MND1: variants seen among roughly 807,000 people sequenced by gnomAD.
The protein encoded by MND1 is meiotic nuclear divisions 1.
In MND1, 28 loss-of-function variants were observed where a neutral mutation model predicts 35.1. That is an observed-to-expected ratio of 0.80 (90% CI 0.59 to 1.09). MND1 has a LOEUF of 1.09. MND1 is among the 50% of genes least tolerant of loss of function. The pLI is 0.00. For synonymous variants in MND1, 69 were observed against 70.5 expected (o/e 0.98, Z 0.11); for missense variants, 213 against 239.6 (o/e 0.89, Z 0.73).
intron 4 of MND1, among the ~76,000 whole-genome samples, chr4:153,367,118 CT>C (rs1233067909): frequency 1.3e-5 from 2 of 152,024 alleles, no homozygotes; most frequent in Non-Finnish European, 1.5e-5. Context: ...CCTTATCTCT[CT>C]TTTTTTTCAA....
intron 7 of MND1, among the ~76,000 whole-genome samples, chr4:153,413,188 G>T (rs2149661847): frequency 6.6e-6 from 1 of 152,122 alleles, no homozygotes; most frequent in Non-Finnish European, 1.5e-5. Flanking sequence ...ATACAAATTT[G>T]GGGGGAAATG....
intron 6 of MND1, among the ~76,000 whole-genome samples, chr4:153,406,060 A>G (rs1729500657): frequency 6.6e-6 from 1 of 151,852 alleles, no homozygotes; most frequent in Non-Finnish European, 1.5e-5. Flanking sequence ...TCGGCCTCCC[A>G]AAGTGCTGGG....
chr4:153,351,202 G>A (rs1773210373), intron 2 of MND1, among the ~76,000 whole-genome samples: 2 of 152,190 alleles, frequency 1.3e-5, no homozygotes, highest in South Asian at 2.1e-4. Flanking sequence ...GCTGAGGAGA[G>A]TGGTTGGGGA....
chr4:153,367,867 A>G (rs1377129238), intron 4 of MND1, among the ~76,000 whole-genome samples: 1 of 152,204 alleles, frequency 6.6e-6, no homozygotes, highest in Non-Finnish European at 1.5e-5. Flanking sequence ...TTTTGATTCT[A>G]GCCATCCTTG....
intron 7 of MND1, among the ~76,000 whole-genome samples, chr4:153,409,709 C>T (rs2149660319): frequency 6.6e-6 from 1 of 152,160 alleles, no homozygotes; most frequent in South Asian, 2.1e-4. Context: ...ATTTTTTTTC[C>T]TACTCTATTT....
chr4:153,370,907 T>G (rs534065015), intron 4 of MND1, among the ~76,000 whole-genome samples: 1 of 152,206 alleles, frequency 6.6e-6, no homozygotes, highest in South Asian at 2.1e-4. Flanking sequence ...GGAGTCACTG[T>G]GGCAGTTATA....
At chr4:153,356,426 G>A (rs912978545) in intron 3 of MND1, among the ~76,000 whole-genome samples, 6 of 151,736 alleles carry the variant, frequency 4.0e-5, no homozygotes, top group Non-Finnish European at 7.4e-5. Flanking sequence ...GGTGGCAGGC[G>A]TCTATAGTCC....
chr4:153,408,378 T>TA (rs1423061815), intron 6 of MND1, among the ~76,000 whole-genome samples: 1 of 152,204 alleles, frequency 6.6e-6, no homozygotes, highest in East Asian at 1.9e-4. Context: ...TTGTAAGTAA[T>TA]AGTTAATGCC....
chr4:153,349,090 C>T (rs1339555496), intron 1 of MND1, among the ~76,000 whole-genome samples: 2 of 120,954 alleles, frequency 1.7e-5, no homozygotes, highest in Admixed American at 1.6e-4. Flanking sequence ...TGATAGTTCT[C>T]ACTCTTTTTT....
intron 6 of MND1, among the ~76,000 whole-genome samples, chr4:153,403,267 ATC>A (rs367894735): frequency 7.5e-4 from 114 of 152,348 alleles, no homozygotes; most frequent in African/African-American, 2.6e-3. Context: ...CAGTCCCCAC[ATC>A]TAGCTGACCT....
intron 4 of MND1, among the ~76,000 whole-genome samples, chr4:153,372,714 G>A (rs955775044): frequency 2.0e-5 from 3 of 152,106 alleles, no homozygotes; most frequent in Non-Finnish European, 4.4e-5. Flanking sequence ...GCATCATGCC[G>A]TAGTGTGTAC....
intron 4 of MND1, among the ~76,000 whole-genome samples, chr4:153,392,062 A>G (rs1729060779): frequency 6.6e-6 from 1 of 151,994 alleles, no homozygotes; most frequent in Non-Finnish European, 1.5e-5. Context: ...ACTAGATCAT[A>G]TTGTGAACAG....
At chr4:153,410,477 A>G (rs1729651121) in intron 7 of MND1, among the ~76,000 whole-genome samples, 1 of 152,222 alleles carries the variant, frequency 6.6e-6, no homozygotes, top group African/African-American at 2.4e-5. Flanking sequence ...CACACCTCAG[A>G]AAACCGCCAC....
At chr4:153,360,095 TC>T (rs1318156761) in intron 4 of MND1, among the ~76,000 whole-genome samples, 6 of 152,160 alleles carry the variant, frequency 3.9e-5, no homozygotes, top group Non-Finnish European at 7.3e-5. Context: ...CCCTGGAACA[TC>T]TTTTTTTATG....
At chr4:153,385,945 CACA>C (rs1311912786) in intron 4 of MND1, among the ~76,000 whole-genome samples, 3 of 152,036 alleles carry the variant, frequency 2.0e-5, no homozygotes, top group African/African-American at 7.2e-5. Context: ...AGTTGTTTCC[CACA>C]ACCACTGAAC....
intron 2 of MND1, among the ~76,000 whole-genome samples, chr4:153,353,014 C>G (rs887708153): frequency 6.6e-6 from 1 of 152,062 alleles, no homozygotes; most frequent in African/African-American, 2.4e-5. Context: ...GGAGCTCTTC[C>G]TTGGTGCCTG....
At chr4:153,367,368 T>G (rs1237048793) in intron 4 of MND1, among the ~76,000 whole-genome samples, 1 of 152,216 alleles carries the variant, frequency 6.6e-6, no homozygotes, top group Non-Finnish European at 1.5e-5. Context: ...ACTGTAGATT[T>G]CCCTGTTCTG....
intron 4 of MND1, among the ~76,000 whole-genome samples, chr4:153,372,994 G>C (rs2083416049): frequency 6.6e-6 from 1 of 150,580 alleles, no homozygotes; most frequent in African/African-American, 2.4e-5. Flanking sequence ...TCTTTCTTTT[G>C]AGTAACTCTT....
chr4:153,373,314 A>G (rs563789608), intron 4 of MND1, among the ~76,000 whole-genome samples: 7 of 152,244 alleles, frequency 4.6e-5, no homozygotes, highest in African/African-American at 1.7e-4. Flanking sequence ...TTACCTTCTT[A>G]CCAGACAATC....
Sources: gnomAD v4.1 joint callset for allele counts (sites outside exome capture counted in the v4.1 genomes callset) on GRCh38, gnomAD v4.1.1 for gene constraint, MANE v1.5 for transcripts, NCBI Gene and HGNC (gene_info 2026-07-23, HGNC 2026-07-21) for gene names.